FRMD4B: variants seen among roughly 807,000 people sequenced by gnomAD.
The protein encoded by FRMD4B is FERM domain-containing protein 4B.
Under a neutral mutation model 141.5 loss-of-function variants are expected in FRMD4B, and 74 were observed. That is an observed-to-expected ratio of 0.52 (90% confidence interval 0.43 to 0.63). The LOEUF (loss-of-function observed/expected upper bound fraction) is 0.63. FRMD4B is among the 30% of genes least tolerant of loss of function. The pLI, the probability that FRMD4B is intolerant of heterozygous loss-of-function variation, is 0.00. For synonymous variants in FRMD4B, 506 were observed against 467.9 expected (o/e 1.08, Z -1.05); for missense variants, 1,366 against 1,253.4 (o/e 1.09, Z -1.36).
intron 8 of FRMD4B, among the ~76,000 whole-genome samples, chr3:69,222,250 G>A (rs900739449): frequency 2.0e-5 from 3 of 151,734 alleles, no homozygotes; most frequent in East Asian, 1.9e-4. Context: ...AGGGGATCAT[G>A]AGGTCAGGAG....
intron 2 of FRMD4B, among the ~76,000 whole-genome samples, chr3:69,396,507 A>T (rs74777267): frequency 7.6e-6 from 1 of 130,802 alleles, no homozygotes; most frequent in African/African-American, 3.6e-5. Context: ...TCTGTCTCAT[A>T]AAAAAAAAAA....
chr3:69,172,034 C>A, intron 22 of FRMD4B, 53 bp from the exon 23 acceptor site: 1 of 1,573,680 alleles, frequency 6.4e-7, no homozygotes, highest in Non-Finnish European at 8.7e-7. Flanking sequence ...TTTGTCCCCA[C>A]AGCACAAAGA....
At chr3:69,280,253 G>GTCACAT (rs2093638648) in intron 5 of FRMD4B, among the ~76,000 whole-genome samples, 1 of 152,154 alleles carries the variant, frequency 6.6e-6, no homozygotes, top group Non-Finnish European at 1.5e-5. Flanking sequence ...GGCAAGGTGG[G>GTCACAT]CCCCTCTGCA....
At chr3:69,483,374 T>C (rs1706162503) in intron 1 of FRMD4B, among the ~76,000 whole-genome samples, 1 of 152,242 alleles carries the variant, frequency 6.6e-6, no homozygotes, top group Non-Finnish European at 1.5e-5. Flanking sequence ...TTTTCCCTTA[T>C]GAAGTGCTTA....
chr3:69,301,017 T>C (rs1701200507), intron 4 of FRMD4B, among the ~76,000 whole-genome samples: 1 of 152,144 alleles, frequency 6.6e-6, no homozygotes, highest in Admixed American at 6.5e-5. Context: ...ATTACAGGCG[T>C]GAGCCACCGC....
chr3:69,507,509 T>C (rs1476657146), intron 1 of FRMD4B, among the ~76,000 whole-genome samples: 4 of 152,226 alleles, frequency 2.6e-5, no homozygotes, highest in African/African-American at 9.6e-5. Flanking sequence ...GTGTCACTTT[T>C]TTAATACCTA....
intron 1 of FRMD4B, among the ~76,000 whole-genome samples, chr3:69,478,896 G>C (rs1261288996): frequency 6.6e-6 from 1 of 151,238 alleles, no homozygotes; most frequent in Non-Finnish European, 1.5e-5. Flanking sequence ...CTCCTGTATT[G>C]GGTGCATATA....
At chr3:69,490,796 T>A (rs1446249240) in intron 1 of FRMD4B, among the ~76,000 whole-genome samples, 1 of 152,306 alleles carries the variant, frequency 6.6e-6, no homozygotes, top group East Asian at 1.9e-4. Flanking sequence ...ACCAGGCCTA[T>A]AATAAGAGAC....
intron 1 of FRMD4B, among the ~76,000 whole-genome samples, chr3:69,340,055 C>T (rs1361493837): frequency 6.6e-6 from 1 of 152,210 alleles, no homozygotes; most frequent in Non-Finnish European, 1.5e-5. Context: ...TTGCCTTCCT[C>T]TGTAAGATCT....
chr3:69,410,730 T>A (rs9850962), intron 2 of FRMD4B, among the ~76,000 whole-genome samples: 526 of 7,202 alleles, frequency 0.073, 9 homozygotes, highest in African/African-American at 0.2. Context: ...TAAATAAATA[T>A]ATATATATAT....
chr3:69,484,524 T>G (rs538311556), intron 1 of FRMD4B, among the ~76,000 whole-genome samples: 1 of 152,106 alleles, frequency 6.6e-6, no homozygotes, highest in Non-Finnish European at 1.5e-5. Context: ...AGTGTTAGAA[T>G]AGCTCAGAGG....
Position 69,176,518 on chromosome 3 carries a change from C to T in FRMD4B, c.2984+6G>A, listed in dbSNP as rs2092648107. 2.5e-6 allele frequency: 4 copies of T among 1,610,006 alleles called. No individual in the cohort carries two copies. Among genetic ancestry groups the T allele is most frequent in the Non-Finnish European group, 3.4e-6 (4 of 1,176,754 alleles). ...CTCCTAGGATTTTCGAGCATTGCTTCCTCACCTGCTTGGAGAGGGTAAAGG... is the reference window on the plus strand; with the variant it reads ...CTCCTAGGATTTTCGAGCATTGCTTTCTCACCTGCTTGGAGAGGGTAAAGG... On this transcript the variant is annotated splice_donor_region_variant and intron_variant, in intron 22 of 22. Transcript: ENST00000398540.
In FRMD4B at chr3:69,181,057, T is replaced by C; in HGVS notation, c.2693A>G (p.His898Arg). The C allele has an allele frequency of 6.2e-7, 1 of 1,613,988 alleles. No individual in the cohort carries two copies. The highest frequency in any genetic ancestry group is 2.2e-5 in the East Asian group (1 of 44,872). ...GGCCCGCTGGTACCAGCCACGCAAGTGCTCGGCAACTAAGGCCTTGTGGAT... is the reference window on the plus strand; with the variant it reads ...GGCCCGCTGGTACCAGCCACGCAAGCGCTCGGCAACTAAGGCCTTGTGGAT... The part of the protein sequence containing the change: ...KNIHKALVAE[H>R]LRGWYQRASG... Residue 898 changes from histidine to arginine, a missense_variant, in exon 21 of 23, where the codon CAC becomes CGC. His to Arg is a conservative substitution (Grantham distance 29). Coordinates refer to ENST00000398540, the MANE Select transcript of FRMD4B (RefSeq NM_015123.3).
intron 11 of FRMD4B, among the ~76,000 whole-genome samples, chr3:69,207,142 C>T (rs1178662078): frequency 6.6e-6 from 1 of 151,558 alleles, no homozygotes; most frequent in Non-Finnish European, 1.5e-5. Context: ...GTCTCCATAA[C>T]AGAATTTAAA....
chr3:69,190,743 G>A (rs1302400180), intron 17 of FRMD4B, among the ~76,000 whole-genome samples: 1 of 152,104 alleles, frequency 6.6e-6, no homozygotes, highest in African/African-American at 2.4e-5. Flanking sequence ...CTCAACAGTG[G>A]CACTACTGAC....
In FRMD4B at chr3:69,176,523, C is replaced by T; in HGVS notation, c.2984+1G>A. The T allele has an allele frequency of 3.1e-6, 5 of 1,611,174 alleles. No individual in the cohort carries two copies. The highest frequency in any genetic ancestry group is 4.2e-6 in the Non-Finnish European group (5 of 1,177,756). On this transcript the variant is annotated splice_donor_variant, in intron 22 of 22. Coordinates refer to ENST00000398540, the MANE Select transcript of FRMD4B (RefSeq NM_015123.3). LOFTEE classifies it high-confidence loss of function. Reference sequence around the variant, plus strand: ...AGGATTTTCGAGCATTGCTTCCTCACCTGCTTGGAGAGGGTAAAGGATTAT... The same window carrying T: ...AGGATTTTCGAGCATTGCTTCCTCATCTGCTTGGAGAGGGTAAAGGATTAT...
At chr3:69,174,626 T>C (rs1431474566) in intron 22 of FRMD4B, among the ~76,000 whole-genome samples, 3 of 152,182 alleles carry the variant, frequency 2.0e-5, no homozygotes, top group African/African-American at 7.2e-5. Context: ...ATGACCCCTC[T>C]GATCCCCTAT....
chr3:69,502,491 G>A (rs1157112029), intron 1 of FRMD4B, among the ~76,000 whole-genome samples: 1 of 152,178 alleles, frequency 6.6e-6, no homozygotes, highest in African/African-American at 2.4e-5. Flanking sequence ...GTAGAAAGCT[G>A]AAACTGGATC....
At chr3:69,174,882 CA>C in intron 22 of FRMD4B, among the ~76,000 whole-genome samples, 1 of 152,284 alleles carries the variant, frequency 6.6e-6, no homozygotes, top group East Asian at 1.9e-4. Context: ...AGGCTAGGCT[CA>C]AATTTTAGGC....
Sources: gnomAD v4.1 joint callset for allele counts (sites outside exome capture counted in the v4.1 genomes callset) on GRCh38, gnomAD v4.1.1 for gene constraint, MANE v1.5 for transcripts, NCBI Gene and HGNC (gene_info 2026-07-23, HGNC 2026-07-21) for gene names.